DYNC2H1: variants seen among roughly 807,000 people sequenced by gnomAD.
DYNC2H1 encodes the protein dynein cytoplasmic 2 heavy chain 1.
DYNC2H1 carries 410 observed loss-of-function variants against 570.0 expected under a neutral mutation model. The observed-to-expected ratio is 0.72, with a 90% CI of 0.66 to 0.78. The LOEUF is 0.78. DYNC2H1 is among the 30% of genes least tolerant of loss of function. The pLI, the probability that DYNC2H1 is intolerant of heterozygous loss-of-function variation, is 0.00. For synonymous variants in DYNC2H1, 1,688 were observed against 1,677.6 expected (o/e 1.01, Z -0.15); for missense variants, 4,865 against 5,046.4 (o/e 0.96, Z 1.09).
At chr11:103,213,889 A>G (rs665231) in intron 54 of DYNC2H1, among the ~76,000 whole-genome samples, 128,562 of 152,146 alleles carry the variant, frequency 0.84, 55,547 homozygotes, top group Non-Finnish European at 0.92. Context: ...GGTCTTAACC[A>G]TAAAATATTT....
intron 59 of DYNC2H1, among the ~76,000 whole-genome samples, chr11:103,224,798 T>G (rs1863740433): frequency 6.6e-6 from 1 of 152,256 alleles, no homozygotes; most frequent in Non-Finnish European, 1.5e-5. Flanking sequence ...AGAGTAGATC[T>G]ACTTTTAGTT....
Position 103,189,697 on chromosome 11 carries a change from A to G in DYNC2H1, c.7318A>G (p.Thr2440Ala). Residue 2440 changes from threonine to alanine, a missense_variant, in exon 45 of 89, where the codon ACG becomes GCG. Physicochemically the swap from Thr to Ala is moderately conservative, Grantham distance 58. Transcript: ENST00000375735. This position sits in a 1 kb window ranked among gnomAD's most constrained non-coding sequence, Gnocchi z 4.3. ...IDYPEREQLQ[T>A]IYGAYLEPVL... ...TTACCCAGAAAGAGAGCAGTTACAA[A>G]CGATTTATGGAGCATATTTGGAACC... 1 of 1,612,998 alleles carries G rather than the reference A, an allele frequency of 6.2e-7. No individual in the cohort carries two copies. The highest frequency in any genetic ancestry group is 8.5e-7 in the Non-Finnish European group (1 of 1,179,426).
rs1327276289 is a variant in DYNC2H1, at chr11:103,151,828, T to A, written c.2947-308T>A. Among the ~76,000 whole-genome samples the A allele has an allele frequency of 6.6e-6, 1 of 152,172 alleles. No homozygotes were observed. Among genetic ancestry groups the A allele is most frequent in the African/African-American group, 2.4e-5 (1 of 41,456 alleles). On this transcript the variant is annotated intron_variant, in intron 20 of 88. Transcript: ENST00000375735. The surrounding 1 kb of genome is among the most constrained non-coding windows in gnomAD (Gnocchi z 4.6). Reference sequence around the variant, plus strand: ...GACCATTTATAATAAGAACTTTACTTTGATAAACTGTAGTATTATCTTTAT... The same window carrying A: ...GACCATTTATAATAAGAACTTTACTATGATAAACTGTAGTATTATCTTTAT...
Position 103,468,705 on chromosome 11 carries a change from GGTAATA to G in DYNC2H1, c.12765+1_12765+6del. 3.1e-6 allele frequency: 5 copies of G among 1,600,898 alleles called. No individual in the cohort carries two copies. The highest frequency in any genetic ancestry group is 4.3e-6 in the Non-Finnish European group (5 of 1,170,096). ...CTTGTTTTATGGGCTGGATTCCACA[GGTAATA>G]CATTTTTAACAAGCACAAGTTTTAA... On this transcript the variant is annotated splice_donor_variant and splice_donor_5th_base_variant and intron_variant, in intron 88 of 88. Coordinates refer to ENST00000375735, the MANE Select transcript of DYNC2H1 (RefSeq NM_001377.3). LOFTEE classifies it high-confidence loss of function.
At chr11:103,419,622 AC>A (rs1425564797) in intron 84 of DYNC2H1, among the ~76,000 whole-genome samples, 2 of 151,942 alleles carry the variant, frequency 1.3e-5, no homozygotes, top group Non-Finnish European at 2.9e-5. Flanking sequence ...CCCTACAAAA[AC>A]CCCAAAGGTC....
In DYNC2H1 at chr11:103,164,535, T is replaced by C. The variant is rs1162701971; in HGVS notation, c.4612-1363T>C. Among the ~76,000 whole-genome samples, 3 of 152,296 alleles carry C rather than the reference T, an allele frequency of 2.0e-5. No homozygotes were observed. In the East Asian group the frequency reaches 5.8e-4, roughly 29 times the overall value. ...TGGTAGAGAGGGTACTTTTTTGGTATGGGAAGGAGGCAGTGTGGTAAAGTA... is the reference window on the plus strand; with the variant it reads ...TGGTAGAGAGGGTACTTTTTTGGTACGGGAAGGAGGCAGTGTGGTAAAGTA... On this transcript the variant is annotated intron_variant, in intron 30 of 88. Coordinates refer to ENST00000375735, the MANE Select transcript of DYNC2H1 (RefSeq NM_001377.3).
chr11:103,220,435 C>T (rs758700894), intron 56 of DYNC2H1, among the ~76,000 whole-genome samples, 188 bp from the exon 57 acceptor site: 39 of 152,144 alleles, frequency 2.6e-4, no homozygotes, highest in Non-Finnish European at 4.6e-4. Flanking sequence ...GGTGGCAAGA[C>T]GTCTTACTGT....
In DYNC2H1 at chr11:103,305,180, G is replaced by A. The variant is rs3902155; in HGVS notation, c.11382+460G>A. On this transcript the variant is annotated intron_variant, in intron 77 of 88. Coordinates refer to ENST00000375735, the MANE Select transcript of DYNC2H1 (RefSeq NM_001377.3). The surrounding 1 kb of genome is among the most constrained non-coding windows in gnomAD (Gnocchi z 4.3). ...CTTAAGACAGGACAAGTCACTGGAT[G>A]GGCTTTACATGCAAACCTAGATTTT... is the stretch of plus-strand genomic sequence containing the variant. Among the ~76,000 whole-genome samples, 26,305 of 152,034 alleles carry A rather than the reference G, an allele frequency of 0.17. 2,464 individuals carry two copies. Among genetic ancestry groups the A allele is most frequent in the Admixed American group, 0.26 (3,974 of 15,260 alleles).
chr11:103,207,409 C>T (rs1287191978), intron 52 of DYNC2H1, among the ~76,000 whole-genome samples: 1 of 151,878 alleles, frequency 6.6e-6, no homozygotes, highest in African/African-American at 2.4e-5. Flanking sequence ...TAAGGATCGG[C>T]ATTTCCTATG....
rs1182674566 is a variant in DYNC2H1 at position 103,197,954 on chromosome 11, G to T, written c.7730G>T (p.Gly2577Val). Residue 2577 changes from glycine to valine, a missense_variant, in exon 48 of 89, where the codon GGA (glycine) becomes GTA (valine). Gly to Val is a moderately radical substitution (Grantham distance 109, BLOSUM62 -3). Coordinates refer to ENST00000375735, the MANE Select transcript of DYNC2H1 (RefSeq NM_001377.3). ...NMSDSFYVTWGARHNSGARAA... is the reference protein window; with the variant it reads ...NMSDSFYVTWVARHNSGARAA... ...ACAGATAGTTTCTACGTTACATGGG[G>T]AGCTCGGCATAATTCAGGAGCAAGG... 6.4e-7 allele frequency: 1 copy of T among 1,570,392 alleles called. No individual in the cohort carries two copies. Among genetic ancestry groups the T allele is most frequent in the South Asian group, 1.2e-5 (1 of 85,274 alleles).
At chr11:103,287,492 G>T in intron 74 of DYNC2H1, 41 bp from the exon 75 acceptor site, 1 of 1,499,314 alleles carries the variant, frequency 6.7e-7, no homozygotes, top group Non-Finnish European at 9.1e-7. Flanking sequence ...AGTAGTTGCA[G>T]CAACTTTATT....
intron 83 of DYNC2H1, among the ~76,000 whole-genome samples, chr11:103,390,505 T>C (rs571265793): frequency 1.6e-4 from 24 of 152,258 alleles, no homozygotes; most frequent in Non-Finnish European, 2.8e-4. Flanking sequence ...ACATTTAAGG[T>C]TAGTATTGTT....
chr11:103,402,099 T>C (rs757069480), intron 84 of DYNC2H1: 1 of 152,126 alleles, frequency 6.6e-6, no homozygotes, highest in Non-Finnish European at 1.5e-5. Flanking sequence ...TAATGTTGGA[T>C]AGTGCTTGAA....
At chr11:103,365,069 G>A (rs896227064) in intron 83 of DYNC2H1, among the ~76,000 whole-genome samples, 1 of 152,122 alleles carries the variant, frequency 6.6e-6, no homozygotes, top group African/African-American at 2.4e-5. Flanking sequence ...AGTTAGAAAT[G>A]TGCATTGGTG....
At chr11:103,400,891 T>A (rs1037781002) in intron 84 of DYNC2H1, among the ~76,000 whole-genome samples, 2 of 152,176 alleles carry the variant, frequency 1.3e-5, no homozygotes, top group African/African-American at 4.8e-5. Flanking sequence ...TTTTGCATTG[T>A]TTTTTCTTTG....
chr11:103,343,031 T>C (rs1939548207), intron 82 of DYNC2H1, among the ~76,000 whole-genome samples: 1 of 152,192 alleles, frequency 6.6e-6, no homozygotes, highest in African/African-American at 2.4e-5. Context: ...GCACGGCCAC[T>C]GGACTAAAGA....
At chr11:103,279,457 C>T (rs900149187) in intron 70 of DYNC2H1, among the ~76,000 whole-genome samples, 1 of 152,140 alleles carries the variant, frequency 6.6e-6, no homozygotes, top group Non-Finnish European at 1.5e-5. Flanking sequence ...TTCCTACATT[C>T]TTCGACTTTG....
Position 103,455,224 on chromosome 11 carries a change from T to C in DYNC2H1, c.12495T>C (p.Ser4165=), listed in dbSNP as rs202199079. Residue 4165 remains serine (S), a synonymous_variant, in exon 86 of 89, where the codon TCT becomes TCC. Transcript: ENST00000375735. The part of the protein sequence containing the change: ...VDKAEKQALL[S]ETLDLSELFH... ...AAGCTGAAAAACAGGCTCTTCTCTC[T>C]GAAACACTTGACCTATCAGAACTTT... 35 of 1,613,446 alleles carry C rather than the reference T, an allele frequency of 2.2e-5. No individual in the cohort carries two copies. The East Asian group carries it at 7.6e-4, about 35-fold the overall frequency.
At chr11:103,419,334 A>G (rs1442147677) in intron 84 of DYNC2H1, among the ~76,000 whole-genome samples, 1 of 152,188 alleles carries the variant, frequency 6.6e-6, no homozygotes, top group East Asian at 1.9e-4. Context: ...TCCTGACTGG[A>G]TGAGACCTCC....
Sources: gnomAD v4.1 joint callset for allele counts (sites outside exome capture counted in the v4.1 genomes callset) on GRCh38, gnomAD v4.1.1 for gene constraint, Gnocchi (gnomAD v3.1) non-coding constraint, MANE v1.5 for transcripts, NCBI Gene and HGNC (gene_info 2026-07-23, HGNC 2026-07-21) for gene names.